Variants in CHST15 observed in about 807,000 individuals in gnomAD.
The protein encoded by CHST15 is carbohydrate sulfotransferase 15.
In CHST15, 30 loss-of-function variants were observed where a neutral mutation model predicts 53.6. That is an observed-to-expected ratio of 0.56 (90% CI 0.42 to 0.76). CHST15 has a LOEUF of 0.76. Ranked by LOEUF, CHST15 falls within the 30% of genes least tolerant of loss-of-function variation. CHST15 has a pLI of 0.00. For synonymous variants in CHST15, 296 were observed against 289.8 expected (o/e 1.02, Z -0.22); for missense variants, 627 against 740.5 (o/e 0.85, Z 1.78).
chr10:124,043,789 G>A (rs1388247657), intron 3 of CHST15, among the ~76,000 whole-genome samples: 2 of 152,242 alleles, frequency 1.3e-5, no homozygotes, highest in South Asian at 2.1e-4. Flanking sequence ...AAGGCAGATG[G>A]GGCAGGTCAG....
chr10:124,021,181 G>C, intron 6 of CHST15, 75 bp downstream of exon 6: 1 of 1,435,470 alleles, frequency 7.0e-7, no homozygotes, highest in African/African-American at 1.6e-5. Flanking sequence ...CCACAATGCC[G>C]CTTGCATAAT....
At chr10:124,085,220 C>G (rs1949379663) in intron 1 of CHST15, among the ~76,000 whole-genome samples, 1 of 152,204 alleles carries the variant, frequency 6.6e-6, no homozygotes, top group Admixed American at 6.5e-5. Context: ...AACAAAGGAG[C>G]ATGGAACTTG....
intron 1 of CHST15, among the ~76,000 whole-genome samples, chr10:124,072,452 G>GAA (rs374237416): frequency 1.5e-3 from 231 of 152,286 alleles, no homozygotes; most frequent in African/African-American, 5.2e-3. Context: ...TTGGCACAGG[G>GAA]AAAGCTCTTT....
chr10:124,045,866 A>T lies in CHST15; in HGVS notation c.347T>A (p.Phe116Tyr), dbSNP rs1327340110. The T allele has an allele frequency of 1.2e-6, 2 of 1,613,642 alleles. No individual in the cohort carries two copies. Among genetic ancestry groups the T allele is most frequent in the Admixed American group, 3.3e-5 (2 of 59,970 alleles). Residue 116 changes from phenylalanine to tyrosine, a missense_variant, in exon 2 of 8, where the codon TTC becomes TAC. Phe to Tyr is a conservative substitution (Grantham distance 22, BLOSUM62 3). This residue lies in a region of CHST15 where 187 missense variants were observed against 251.8 expected (regional missense o/e 0.74). Coordinates refer to ENST00000435907, the MANE Select transcript of CHST15 (RefSeq NM_001270764.2). The stretch of plus-strand genomic sequence containing the variant: ...GTCCATCAAGCTGGGGTTGCTGGGG[A>T]AGCCTCCGTAATGGAAAGGTGATGA... ...LISSPFHYGG[F>Y]PSNPSLMDSE...
intron 5 of CHST15, among the ~76,000 whole-genome samples, chr10:124,021,890 T>A (rs1337264323): frequency 6.6e-6 from 1 of 152,194 alleles, no homozygotes; most frequent in Non-Finnish European, 1.5e-5. Flanking sequence ...GCATACGCAT[T>A]CCTGACATTG....
At chr10:124,014,622 G>T (rs558566354) in intron 6 of CHST15, among the ~76,000 whole-genome samples, 60 of 152,324 alleles carry the variant, frequency 3.9e-4, no homozygotes, top group African/African-American at 1.4e-3. Context: ...CCCGCCTCCC[G>T]GGGCTTTTCA....
At chr10:124,039,153 C>T (rs976055140) in intron 4 of CHST15, among the ~76,000 whole-genome samples, 1 of 152,134 alleles carries the variant, frequency 6.6e-6, no homozygotes, top group Non-Finnish European at 1.5e-5. Flanking sequence ...GTATAGTATT[C>T]CAATATATGT....
intron 1 of CHST15, among the ~76,000 whole-genome samples, chr10:124,083,675 C>T (rs1039016838): frequency 6.6e-6 from 1 of 152,118 alleles, no homozygotes; most frequent in Non-Finnish European, 1.5e-5. Context: ...ATACTGTTCT[C>T]GTTAGTCGGA....
intron 6 of CHST15, among the ~76,000 whole-genome samples, chr10:124,016,336 C>T (rs993144097): frequency 3.9e-5 from 6 of 152,146 alleles, no homozygotes; most frequent in Admixed American, 6.5e-5. Flanking sequence ...GGAGGGAAAC[C>T]GGCTTCTCCT....
intron 1 of CHST15, among the ~76,000 whole-genome samples, chr10:124,066,470 A>G (rs1341126213): frequency 1.3e-5 from 2 of 152,136 alleles, no homozygotes; most frequent in African/African-American, 2.4e-5. Flanking sequence ...GAAAAAAAAA[A>G]ACGAGTTTAC....
intron 5 of CHST15, among the ~76,000 whole-genome samples, chr10:124,029,962 G>T (rs141649877): frequency 2.0e-5 from 3 of 152,328 alleles, no homozygotes; most frequent in African/African-American, 7.2e-5. Context: ...ACACAACGGA[G>T]CTCTTTTTCC....
chr10:124,089,812 T>G (rs1245786267), intron 1 of CHST15, among the ~76,000 whole-genome samples: 2 of 152,146 alleles, frequency 1.3e-5, no homozygotes, highest in Admixed American at 6.5e-5. Flanking sequence ...CCAATTCCGC[T>G]TGTCCCCATC....
intron 1 of CHST15, among the ~76,000 whole-genome samples, chr10:124,088,638 GGT>G (rs2134258953): frequency 6.6e-6 from 1 of 152,230 alleles, no homozygotes; most frequent in African/African-American, 2.4e-5. Flanking sequence ...CTGAGAGCTT[GGT>G]GTGTGTCATC....
intron 2 of CHST15, 142 bp downstream of exon 2, chr10:124,045,525 A>G (rs1178497952): frequency 1.1e-6 from 1 of 869,950 alleles, no homozygotes; most frequent in South Asian, 1.7e-5. Flanking sequence ...ATTCAAATCC[A>G]TAAGGCTGTC....
Position 124,009,531 on chromosome 10 carries a change from G to C in CHST15, c.*618C>G. ...TGAAGAAACTGGAGGGCTGAGTTTG[G>C]AGTAAAGGAGAAAAAAAAAATGAAG... is the stretch of plus-strand genomic sequence containing the variant. On this transcript the variant is annotated 3_prime_UTR_variant, in exon 8 of 8. Coordinates refer to ENST00000435907, the MANE Select transcript of CHST15 (RefSeq NM_001270764.2). 1 of 988,390 alleles carries C rather than the reference G, an allele frequency of 1.0e-6. No homozygotes were observed. Among genetic ancestry groups the C allele is most frequent in the Non-Finnish European group, 1.2e-6 (1 of 831,720 alleles). 61.2% of individuals were successfully genotyped at this position (988,390 alleles called of 1,614,324 possible).
intron 6 of CHST15, among the ~76,000 whole-genome samples, chr10:124,018,173 T>C (rs1047953381): frequency 4.2e-4 from 64 of 152,194 alleles, no homozygotes; most frequent in African/African-American, 1.5e-3. Context: ...TCAAGATTCA[T>C]TCCTGGAGGG....
chr10:124,010,857 T>C, intron 7 of CHST15: 6 of 985,430 alleles, frequency 6.1e-6, no homozygotes, highest in Non-Finnish European at 7.2e-6. Context: ...GGAGGAGGGC[T>C]GGGAGGAGGC....
intron 1 of CHST15, among the ~76,000 whole-genome samples, chr10:124,067,304 A>G (rs1210327323): frequency 2.0e-5 from 3 of 152,194 alleles, no homozygotes; most frequent in Non-Finnish European, 4.4e-5. Flanking sequence ...ACTTATTCAG[A>G]CCAATTTGCT....
chr10:124,092,921 C>A (rs1039156052), intron 1 of CHST15, among the ~76,000 whole-genome samples: 7 of 152,240 alleles, frequency 4.6e-5, no homozygotes, highest in Non-Finnish European at 8.8e-5. Flanking sequence ...GGCTCCTTCT[C>A]CCGGACAGCC....
Sources: gnomAD v4.1 joint callset for allele counts (sites outside exome capture counted in the v4.1 genomes callset) on GRCh38, gnomAD v4.1.1 for gene constraint, gnomAD v4.1.1 regional missense constraint, MANE v1.5 for transcripts, NCBI Gene and HGNC (gene_info 2026-07-23, HGNC 2026-07-21) for gene names.